The following C14orf93 variants were observed in gnomAD, a reference collection of about 807,000 sequenced individuals.
C14orf93 encodes the protein uncharacterized protein C14orf93.
Under a neutral mutation model 44.0 loss-of-function variants are expected in C14orf93, and 23 were observed. The observed-to-expected ratio is 0.52, with a 90% CI of 0.38 to 0.74. The LOEUF (loss-of-function observed/expected upper bound fraction) is 0.74. Ranked by LOEUF, C14orf93 falls within the 30% of genes least tolerant of loss-of-function variation. C14orf93 has a pLI of 0.00. For synonymous variants in C14orf93, 253 were observed against 265.7 expected (o/e 0.95, Z 0.46); for missense variants, 579 against 678.9 (o/e 0.85, Z 1.64).
chr14:22,989,594 G>C lies in C14orf93; in HGVS notation c.1084+148C>G, dbSNP rs567354958. The C allele has an allele frequency of 8.1e-6, 5 of 614,628 alleles. No homozygotes were observed. The East Asian group carries it at 1.4e-4, about 17-fold the overall frequency. The allele number at this position is 614,628 out of a possible 1,614,324, so 38.1% of individuals were successfully genotyped here. ...GAGATAATTCTATGAATATATTGAA[G>C]GTGAGAATAGCCAAAAAATGTTTCA... is the stretch of plus-strand genomic sequence containing the variant. On this transcript the variant is annotated intron_variant, in intron 5 of 6. Coordinates refer to ENST00000299088, the MANE Select transcript of C14orf93 (RefSeq NM_021944.4).
chr14:22,998,840 G>A lies in C14orf93; in HGVS notation c.184C>T (p.Leu62=). The A allele has an allele frequency of 6.2e-7, 1 of 1,614,090 alleles. No individual in the cohort carries two copies. Among genetic ancestry groups the A allele is most frequent in the South Asian group, 1.1e-5 (1 of 91,062 alleles). ...TCGACCCGCTGGTAGATAACATGCAGGAGCTGCTCTGAGCTCTGAACAGCC... is the reference window on the plus strand; with the variant it reads ...TCGACCCGCTGGTAGATAACATGCAAGAGCTGCTCTGAGCTCTGAACAGCC... ...GLAVQSSEQL[L]HVIYQRVDKA... Residue 62 remains leucine (L), a synonymous_variant, in exon 2 of 7, where the codon CTG becomes TTG. Transcript: ENST00000299088.
At chr14:23,007,516 C>T (rs546999077) in intron 1 of C14orf93, among the ~76,000 whole-genome samples, 2 of 152,302 alleles carry the variant, frequency 1.3e-5, no homozygotes, top group East Asian at 3.9e-4. Flanking sequence ...TGCAAATTAG[C>T]AGCTCCTCAC....
Position 22,996,296 on chromosome 14 carries a change from T to A in C14orf93, c.598-28A>T, listed in dbSNP as rs769502984. On this transcript the variant is annotated intron_variant, in intron 2 of 6. Transcript: ENST00000299088. This position sits in a 1 kb window ranked among gnomAD's most constrained non-coding sequence, Gnocchi z 4.1. ...AAGAACATAAAAAATAATAGCCTAT[T>A]AGCCAGCCAGGCTTAGGGGAACCTG... The A allele has an allele frequency of 2.7e-5, 41 of 1,518,392 alleles. No homozygotes were observed. The highest frequency in any genetic ancestry group is 3.5e-5 in the Non-Finnish European group (39 of 1,130,038). 94.1% of individuals were successfully genotyped at this position (1,518,392 alleles called of 1,614,324 possible).
chr14:22,991,170 C>CTT (rs75085875), intron 3 of C14orf93, among the ~76,000 whole-genome samples: 5 of 143,686 alleles, frequency 3.5e-5, no homozygotes, highest in African/African-American at 1.3e-4. Context: ...TATTTCTTTT[C>CTT]TTTTTTTTTT....
At position 22,989,751 on chromosome 14, in the gene C14orf93, C is replaced by G; in HGVS notation, c.1075G>C (p.Glu359Gln). Residue 359 changes from glutamate (E) to glutamine (Q), a missense_variant, in exon 5 of 7, where the codon GAG becomes CAG. Coordinates refer to ENST00000299088, the MANE Select transcript of C14orf93 (RefSeq NM_021944.4). ...AACCAGTTTTTCTCACCTTTTAGCT[C>G]CTTATCAGTGTAATTGTGGGGACTG... ...VTSPHNYTDK[E>Q]LKGACVAYFL... 6.2e-7 allele frequency: 1 copy of G among 1,612,254 alleles called. No individual in the cohort carries two copies. Among genetic ancestry groups the G allele is most frequent in the Non-Finnish European group, 8.5e-7 (1 of 1,178,262 alleles).
At position 22,992,631 on chromosome 14, in the gene C14orf93, G is replaced by A. The variant is rs2045722036; in HGVS notation, c.919-2504C>T. Among the ~76,000 whole-genome samples, 4 of 151,534 alleles carry A rather than the reference G, an allele frequency of 2.6e-5. No homozygotes were observed. The South Asian group carries it at 8.3e-4, about 32-fold the overall frequency. The stretch of plus-strand genomic sequence containing the variant: ...CTTACTCTGTAGCCCAGGCTGGGGT[G>A]CAGTGGCGTGATCTCGGCTCACTGC... On this transcript the variant is annotated intron_variant, in intron 3 of 6. Transcript: ENST00000299088.
At chr14:22,989,974 C>T (rs2045493874) in intron 4 of C14orf93, 92 bp downstream of exon 4, 3 of 1,434,416 alleles carry the variant, frequency 2.1e-6, no homozygotes, top group African/African-American at 2.8e-5. Flanking sequence ...GAGATCAAAG[C>T]CTTAGTCTCA....
At chr14:22,992,062 C>T (rs1174990946) in intron 3 of C14orf93, among the ~76,000 whole-genome samples, 2 of 152,222 alleles carry the variant, frequency 1.3e-5, no homozygotes, top group African/African-American at 4.8e-5. Flanking sequence ...TACCCAATCT[C>T]CCTTTCACAT....
chr14:23,006,725 GGTCA>G (rs1397314868), intron 1 of C14orf93: 1 of 152,244 alleles, frequency 6.6e-6, no homozygotes. Context: ...GTTTCCGATG[GGTCA>G]GTGTGATTCA....
intron 3 of C14orf93, among the ~76,000 whole-genome samples, chr14:22,992,733 C>A (rs527981439): frequency 6.6e-6 from 1 of 151,726 alleles, no homozygotes; most frequent in Admixed American, 6.6e-5. Context: ...TACAGGAATG[C>A]ACCACCATTC....
rs2045220672 is a variant in C14orf93, at chr14:22,986,189, C to T, written c.*1026G>A. ...CTCTTCCCCAGTTTAGACATTACAC[C>T]CTCTCAGAAGAAGCCTTTCCAGACT... is the stretch of plus-strand genomic sequence containing the variant. On this transcript the variant is annotated 3_prime_UTR_variant, in exon 7 of 7. Transcript: ENST00000299088. The T allele has an allele frequency of 6.6e-6, 1 of 152,244 alleles. No homozygotes were observed. The highest frequency in any genetic ancestry group is 2.4e-5 in the African/African-American group (1 of 41,436). The allele number at this position is 152,244 out of a possible 1,614,324, so 9.4% of individuals were successfully genotyped here.
intron 1 of C14orf93, among the ~76,000 whole-genome samples, chr14:23,003,898 ATTTTTTTTTTTTTT>A (rs1170432984): frequency 1.8e-3 from 19 of 10,364 alleles, no homozygotes; most frequent in South Asian, 6.8e-3. Context: ...ATATATATAT[ATTTTTTTTTTTTTT>A]TTTTTTTTTT....
chr14:22,990,243 C>A, intron 3 of C14orf93, 116 bp from the exon 4 acceptor site: 1 of 816,596 alleles, frequency 1.2e-6, no homozygotes, highest in Non-Finnish European at 1.9e-6. Flanking sequence ...TGAATCCTTT[C>A]TAAGCCAAGA....
intron 1 of C14orf93, chr14:23,006,076 C>A (rs1218501473): frequency 1.3e-5 from 2 of 152,202 alleles, no homozygotes; most frequent in East Asian, 1.9e-4. Context: ...CATTCAGGGT[C>A]ATGCTAGCAA....
At chr14:23,002,494 A>C (rs1594668189) in intron 1 of C14orf93, among the ~76,000 whole-genome samples, 1 of 151,458 alleles carries the variant, frequency 6.6e-6, no homozygotes, top group Admixed American at 6.6e-5. Flanking sequence ...TGGCTGCACC[A>C]TTTATGAGCT....
intron 5 of C14orf93, 83 bp downstream of exon 5, chr14:22,989,659 T>C (rs1262056817): frequency 8.0e-6 from 8 of 999,806 alleles, no homozygotes; most frequent in Non-Finnish European, 1.3e-5. Flanking sequence ...TCTCTATTAT[T>C]CCTCTTCTCC....
In C14orf93 at chr14:22,987,616, T is replaced by C; in HGVS notation, c.1216A>G (p.Ser406Gly). The C allele has an allele frequency of 1.9e-6, 3 of 1,594,016 alleles. No homozygotes were observed. The highest frequency in any genetic ancestry group is 2.6e-6 in the Non-Finnish European group (3 of 1,169,606). ...TCAGGTCCAAAATGCCTCATGATACTGGATCGGTTGGCAAAAAGCTAAGGC... is the reference window on the plus strand; with the variant it reads ...TCAGGTCCAAAATGCCTCATGATACCGGATCGGTTGGCAAAAAGCTAAGGC... ...RRYRLFANRS[S>G]IMRHFGPEDQ... is the part of the protein sequence containing the mutation. Residue 406 changes from serine (S) to glycine (G), a missense_variant, in exon 7 of 7, where the codon AGT (serine) becomes GGT (glycine). Ser to Gly is a moderately conservative substitution (Grantham distance 56, BLOSUM62 0). Transcript: ENST00000299088. The surrounding 1 kb of genome is among the most constrained non-coding windows in gnomAD (Gnocchi z 5.6).
rs146718756 is a variant in C14orf93, at chr14:22,996,800, C to G, written c.598-532G>C. Among the ~76,000 whole-genome samples, 728 of 152,298 alleles carry G rather than the reference C, an allele frequency of 4.8e-3. 10 individuals carry two copies. Among genetic ancestry groups the G allele is most frequent in the African/African-American group, 0.016 (657 of 41,564 alleles). On this transcript the variant is annotated intron_variant, in intron 2 of 6. Coordinates refer to ENST00000299088, the MANE Select transcript of C14orf93 (RefSeq NM_021944.4). The surrounding 1 kb of genome is among the most constrained non-coding windows in gnomAD (Gnocchi z 4.1). The stretch of plus-strand genomic sequence containing the variant: ...AGTCAGTCCATGCCCTCACCTTGAT[C>G]CTGCCCCGGCCACATTCGACTGTCA...
rs1414197397 is a variant in C14orf93, at chr14:22,998,892, G to C, written c.132C>G (p.Thr44=). ...AGCCATGTCCAGTCACTGTGATGGG[G>C]GTGCTGGGAGGAGGATTCCCACCCT... The part of the protein sequence containing the change: ...GSQGGNPPPS[T]PITVTGHGLA... Residue 44 remains threonine, a synonymous_variant, in exon 2 of 7, where the codon ACC becomes ACG. Coordinates refer to ENST00000299088, the MANE Select transcript of C14orf93 (RefSeq NM_021944.4). The C allele has an allele frequency of 1.2e-6, 2 of 1,613,690 alleles. No homozygotes were observed. Among genetic ancestry groups the C allele is most frequent in the African/African-American group, 1.3e-5 (1 of 74,838 alleles).
Sources: allele counts gnomAD v4.1 joint callset (sites outside exome capture counted in the v4.1 genomes callset), GRCh38; gene constraint gnomAD v4.1.1; non-coding constraint Gnocchi (gnomAD v3.1); transcripts MANE v1.5; gene names NCBI Gene and HGNC (gene_info 2026-07-23, HGNC 2026-07-21).